PELP1: variants seen among roughly 807,000 people sequenced by gnomAD.
PELP1 encodes the protein proline-, glutamic acid- and leucine-rich protein 1.
A neutral mutation model predicts 95.5 loss-of-function variants in PELP1; 32 were observed. The observed-to-expected ratio is 0.34, with a 90% CI of 0.25 to 0.45. The LOEUF is 0.45. Ranked by LOEUF, PELP1 falls within the 20% of genes least tolerant of loss-of-function variation. The probability of loss-of-function intolerance (pLI) is 1.00; values close to 1 mark genes in which losing one functional copy is unlikely to be tolerated. For synonymous variants in PELP1, 668 were observed against 600.1 expected, an observed-to-expected ratio of 1.11 and a Z score of -1.65; for missense variants, 1,358 against 1,444.8, an observed-to-expected ratio of 0.94 and a Z score of 0.97.
In PELP1 at chr17:4,671,735, C is replaced by G; in HGVS notation, c.3256G>C (p.Glu1086Gln). 1 of 1,535,694 alleles carries G rather than the reference C, an allele frequency of 6.5e-7. No individual in the cohort carries two copies. The highest frequency in any genetic ancestry group is 8.7e-7 in the Non-Finnish European group (1 of 1,146,792). Reference protein sequence around the residue: ...VQPPPETPAEEEMETETEAEA... With the variant: ...VQPPPETPAEQEMETETEAEA... Reference sequence around the variant, plus strand: ...GCCTCTGTCTCTGTCTCCATCTCTTCTTCTGCAGGTGTCTCTGGTGGGGGC... The same window carrying G: ...GCCTCTGTCTCTGTCTCCATCTCTTGTTCTGCAGGTGTCTCTGGTGGGGGC... The change falls in exon 16 of 17, where the codon GAA (glutamate) becomes CAA (glutamine). Residue 1086 changes from glutamate to glutamine, a missense_variant. This residue lies in a region of PELP1 where 283 missense variants were observed against 284.1 expected (regional missense o/e 1.00). Coordinates refer to ENST00000572293, the MANE Select transcript of PELP1 (RefSeq NM_014389.3).
chr17:4,682,957 AG>A lies in PELP1; in HGVS notation c.421-6del. ...TGTGGCAGGCGGGTCCTGGGTCTAAAGAAAAAAATAATGTCTCGTGCTTCCA... is the reference window on the plus strand; with the variant it reads ...TGTGGCAGGCGGGTCCTGGGTCTAAAAAAAAAATAATGTCTCGTGCTTCCA... On this transcript the variant is annotated splice_polypyrimidine_tract_variant and splice_region_variant and intron_variant, in intron 3 of 16. Coordinates refer to ENST00000572293, the MANE Select transcript of PELP1 (RefSeq NM_014389.3). 7.4e-7 allele frequency: 1 copy of A among 1,351,052 alleles called. No homozygotes were observed. The highest frequency in any genetic ancestry group is 9.5e-7 in the Non-Finnish European group (1 of 1,054,770). 83.7% of individuals were successfully genotyped at this position (1,351,052 alleles called of 1,614,324 possible). A position where few individuals can be genotyped will look rare whatever the true frequency, so the allele number is the denominator to read the frequency against.
chr17:4,700,992 T>TG (rs1913505236), intron 1 of PELP1, among the ~76,000 whole-genome samples: 1 of 29,410 alleles, frequency 3.4e-5, no homozygotes, highest in East Asian at 1.4e-3. Flanking sequence ...AAAGTTCCAC[T>TG]AAAAAAAAAA....
rs993347563 is a variant in PELP1, at chr17:4,673,033, G to C, written c.1958C>G (p.Pro653Arg). The C allele has an allele frequency of 1.3e-6, 2 of 1,532,992 alleles. No homozygotes were observed. The highest frequency in any genetic ancestry group is 4.3e-5 in the Admixed American group (2 of 46,768). 95.0% of individuals were successfully genotyped at this position (1,532,992 alleles called of 1,614,324 possible). A position where few individuals can be genotyped will look rare whatever the true frequency, so the allele number is the denominator to read the frequency against. Residue 653 changes from proline (P) to arginine (R), a missense_variant, in exon 16 of 17, where the codon CCT becomes CGT. Pro to Arg is a moderately radical substitution (Grantham distance 103). This residue lies in a region of PELP1 where 340 missense variants were observed against 322.9 expected (regional missense o/e 1.05). Coordinates refer to ENST00000572293, the MANE Select transcript of PELP1 (RefSeq NM_014389.3). The surrounding 1 kb of genome is among the most constrained non-coding windows in gnomAD (Gnocchi z 5.7). Reference protein sequence around the residue: ...PTCPTPAPVPPPEAPSPFRAP... With the variant: ...PTCPTPAPVPRPEAPSPFRAP... The stretch of plus-strand genomic sequence containing the variant: ...CCTGAAGGGCGATGGGGCCTCAGGA[G>C]GGGGAACTGGAGCAGGTGTGGGGCA...
intron 3 of PELP1, among the ~76,000 whole-genome samples, chr17:4,683,548 TGAGACAGAG>T (rs1912795460): frequency 7.2e-6 from 1 of 138,784 alleles, no homozygotes. Flanking sequence ...TTTTTTTTTT[TGAGACAGAG>T]TCTTGCTCTG....
rs1391051127 is a variant in PELP1 at position 4,672,443 on chromosome 17, G to C, written c.2548C>G (p.Pro850Ala). Residue 850 changes from proline (P) to alanine (A), a missense_variant, in exon 16 of 17, where the codon CCT becomes GCT. Pro to Ala is a conservative substitution (Grantham distance 27). Transcript: ENST00000572293. ...PPPPPPPPPV[P>A]GPVTLPPPQL... ...GGTGGAGGGAGCGTCACAGGACCAG[G>C]AACAGGCGGCGGCGGAGGTGGGGGT... 1.9e-6 allele frequency: 3 copies of C among 1,559,040 alleles called. No homozygotes were observed. In the Admixed American group the frequency reaches 5.7e-5, roughly 29 times the overall value.
In PELP1 at chr17:4,672,305, C is replaced by T; in HGVS notation, c.2686G>A (p.Glu896Lys). 2 of 1,539,038 alleles carry T rather than the reference C, an allele frequency of 1.3e-6. No individual in the cohort carries two copies. The highest frequency in any genetic ancestry group is 1.8e-6 in the Non-Finnish European group (2 of 1,137,048). The change falls in exon 16 of 17, where the codon GAG (glutamate) becomes AAG (lysine). Residue 896 changes from glutamate to lysine, a missense_variant. Transcript: ENST00000572293. ...SDEEEEEEEE[E>K]EEEEEEEEEE... ...TCTTCTTCCTCTTCTTCTTCTTCCTCTTCTTCCTCTTCCTCCTCCTCTTCA... is the reference window on the plus strand; with the variant it reads ...TCTTCTTCCTCTTCTTCTTCTTCCTTTTCTTCCTCTTCCTCCTCCTCTTCA...
chr17:4,674,758 T>C, intron 12 of PELP1, 51 bp downstream of exon 12: 1 of 1,588,610 alleles, frequency 6.3e-7, no homozygotes, highest in Non-Finnish European at 8.6e-7. Context: ...GCAGGCACAC[T>C]TGGTCAAAGG....
At chr17:4,689,158 C>T (rs774136074) in intron 3 of PELP1, among the ~76,000 whole-genome samples, 7 of 152,176 alleles carry the variant, frequency 4.6e-5, no homozygotes, top group Non-Finnish European at 8.8e-5. Context: ...AAGAATGAAA[C>T]TGGATCACTC....
chr17:4,676,078 T>C lies in PELP1; in HGVS notation c.938A>G (p.Gln313Arg), dbSNP rs1912458740. 3.1e-6 allele frequency: 5 copies of C among 1,613,984 alleles called. No homozygotes were observed. Among genetic ancestry groups the C allele is most frequent in the Non-Finnish European group, 4.2e-6 (5 of 1,179,886 alleles). ...GCAGCGGGCCAGTCCCGAAAACCTCTGCCGAAGCTGGAGAAGGACATGGGC... is the reference window on the plus strand; with the variant it reads ...GCAGCGGGCCAGTCCCGAAAACCTCCGCCGAAGCTGGAGAAGGACATGGGC... ...GDAHVLLQLR[Q>R]RFSGLARCLG... Residue 313 changes from glutamine (Q) to arginine (R), a missense_variant, in exon 8 of 17, where the codon CAG becomes CGG. Gln to Arg is a conservative substitution (Grantham distance 43). This residue lies in a region of PELP1 where 538 missense variants were observed against 628.1 expected (regional missense o/e 0.86). Coordinates refer to ENST00000572293, the MANE Select transcript of PELP1 (RefSeq NM_014389.3).
intron 1 of PELP1, among the ~76,000 whole-genome samples, chr17:4,699,440 T>C (rs1349202162): frequency 6.6e-6 from 1 of 152,180 alleles, no homozygotes; most frequent in Non-Finnish European, 1.5e-5. Flanking sequence ...CTTTCAAATA[T>C]TGTTCCAACT....
chr17:4,693,778 T>C (rs767497347), intron 1 of PELP1, among the ~76,000 whole-genome samples: 3 of 152,222 alleles, frequency 2.0e-5, no homozygotes, highest in Non-Finnish European at 2.9e-5. Context: ...TTAAAACTTA[T>C]GAATTACTTA....
Position 4,669,827 on chromosome 17 carries a change from ATTTTTC to A in PELP1, c.*1606_*1611del, listed in dbSNP as rs1406548588. On this transcript the variant is annotated 3_prime_UTR_variant, in exon 17 of 17. Coordinates refer to ENST00000572293, the MANE Select transcript of PELP1 (RefSeq NM_014389.3). ...TCACAATTATCACTGGATTACTGTTATTTTTCTTAGGTTTGATAATGGTATCAGGAT... is the reference window on the plus strand; with the variant it reads ...TCACAATTATCACTGGATTACTGTTATTAGGTTTGATAATGGTATCAGGAT... 10 of 151,834 alleles carry A rather than the reference ATTTTTC, an allele frequency of 6.6e-5. No homozygotes were observed. Among genetic ancestry groups the A allele is most frequent in the African/African-American group, 2.4e-4 (10 of 41,326 alleles). The allele number at this position is 151,834 out of a possible 1,614,324, so 9.4% of individuals were successfully genotyped here. A position where few individuals can be genotyped will look rare whatever the true frequency, so the allele number is the denominator to read the frequency against.
In PELP1 at chr17:4,673,523, C is replaced by T. The variant is rs1912326467; in HGVS notation, c.1639-67G>A. ...CCCAACCCTTCTCCAGAGCCTACTC[C>T]CAGGTCGGAATGGACCCACCTCTGG... On this transcript the variant is annotated intron_variant, in intron 14 of 16. Coordinates refer to ENST00000572293, the MANE Select transcript of PELP1 (RefSeq NM_014389.3). This position sits in a 1 kb window ranked among gnomAD's most constrained non-coding sequence, Gnocchi z 5.7. 6.4e-7 allele frequency: 1 copy of T among 1,569,570 alleles called. No individual in the cohort carries two copies.
At chr17:4,686,036 G>C (rs547067807) in intron 3 of PELP1, among the ~76,000 whole-genome samples, 1 of 152,228 alleles carries the variant, frequency 6.6e-6, no homozygotes, top group South Asian at 2.1e-4. Context: ...GGTGGAGGTT[G>C]CAGTGAGCCG....
rs776722603 is a variant in PELP1 at position 4,673,667 on chromosome 17, G to C, written c.1590C>G (p.Ser530Arg). Residue 530 changes from serine to arginine, a missense_variant, in exon 14 of 17, where the codon AGC becomes AGG. Around this residue, in one of 7 missense-constraint regions of PELP1, gnomAD observed 538 missense variants for 628.1 expected, o/e 0.86. Coordinates refer to ENST00000572293, the MANE Select transcript of PELP1 (RefSeq NM_014389.3). The surrounding 1 kb of genome is among the most constrained non-coding windows in gnomAD (Gnocchi z 5.7). ...GAGGCCCACACATGAGGATGGTCCG[G>C]CTGAGGCCTGGGGAAGAAGAATGGT... is the stretch of plus-strand genomic sequence containing the variant. ...DVCAAALRGLSRTILMCGPLI... is the reference protein window; with the variant it reads ...DVCAAALRGLRRTILMCGPLI... 10 of 1,613,670 alleles carry C rather than the reference G, an allele frequency of 6.2e-6. No individual in the cohort carries two copies. Among genetic ancestry groups the C allele is most frequent in the Non-Finnish European group, 7.6e-6 (9 of 1,179,740 alleles).
chr17:4,702,004 A>G (rs921110309), intron 1 of PELP1, among the ~76,000 whole-genome samples: 1 of 152,244 alleles, frequency 6.6e-6, no homozygotes, highest in South Asian at 2.1e-4. Flanking sequence ...AAGAAAAATA[A>G]GCAAGACGTT....
chr17:4,691,289 G>A (rs1913089027), intron 2 of PELP1, 89 bp downstream of exon 2: 4 of 938,532 alleles, frequency 4.3e-6, no homozygotes, highest in South Asian at 1.4e-5. Context: ...CTTGAATCCT[G>A]GGGACGGTGA....
At chr17:4,680,488 G>A (rs1912647378) in intron 5 of PELP1, among the ~76,000 whole-genome samples, 1 of 152,110 alleles carries the variant, frequency 6.6e-6, no homozygotes, top group South Asian at 2.1e-4. Flanking sequence ...GTGTTGCCCA[G>A]GCTGGTCTCA....
intron 1 of PELP1, among the ~76,000 whole-genome samples, chr17:4,693,514 A>G (rs1458603262): frequency 6.6e-6 from 1 of 152,230 alleles, no homozygotes; most frequent in African/African-American, 2.4e-5. Context: ...CAGCAACTAT[A>G]ATAATATGCC....
Sources: gnomAD v4.1 joint callset for allele counts (sites outside exome capture counted in the v4.1 genomes callset) on GRCh38, gnomAD v4.1.1 for gene constraint, gnomAD v4.1.1 regional missense constraint, Gnocchi (gnomAD v3.1) non-coding constraint, MANE v1.5 for transcripts, NCBI Gene and HGNC (gene_info 2026-07-23, HGNC 2026-07-21) for gene names.